RIN2: variants seen among roughly 807,000 people sequenced by gnomAD.
RIN2 encodes RAB5 interacting protein 2.
Under a neutral mutation model 78.0 loss-of-function variants are expected in RIN2, and 36 were observed. That is an observed-to-expected ratio of 0.46 (90% CI 0.35 to 0.61). The LOEUF is 0.61. RIN2 is among the 20% of genes least tolerant of loss of function. RIN2 has a pLI of 0.00. For synonymous variants in RIN2, 466 were observed against 466.8 expected (o/e 1.00, Z 0.02); for missense variants, 1,087 against 1,159.7 (o/e 0.94, Z 0.91).
At chr20:19,792,048 C>T (rs963359338) in intron 1 of RIN2, among the ~76,000 whole-genome samples, 3 of 152,192 alleles carry the variant, frequency 2.0e-5, no homozygotes, top group Non-Finnish European at 4.4e-5. Flanking sequence ...ACAAGTGGGA[C>T]TCCTTCCAGG....
intron 3 of RIN2, among the ~76,000 whole-genome samples, chr20:19,918,665 T>C (rs1167479948): frequency 6.6e-6 from 1 of 151,996 alleles, no homozygotes; most frequent in Non-Finnish European, 1.5e-5. Flanking sequence ...GGCAATACAA[T>C]TAAAACCTCT....
At chr20:19,910,448 C>T (rs1015183220) in intron 3 of RIN2, among the ~76,000 whole-genome samples, 8 of 152,062 alleles carry the variant, frequency 5.3e-5, no homozygotes, top group South Asian at 4.2e-4. Flanking sequence ...GCTGGGATTA[C>T]AGGCATAAGC....
At chr20:19,994,520 CAT>C (rs2042895713) in intron 11 of RIN2, among the ~76,000 whole-genome samples, 1 of 152,222 alleles carries the variant, frequency 6.6e-6, no homozygotes, top group South Asian at 2.1e-4. Context: ...ATTGCATCCA[CAT>C]GTTTCAAAGT....
At chr20:19,904,043 G>C (rs1264898093) in intron 3 of RIN2, among the ~76,000 whole-genome samples, 1 of 151,914 alleles carries the variant, frequency 6.6e-6, no homozygotes, top group Non-Finnish European at 1.5e-5. Flanking sequence ...TTGAGGTCAG[G>C]AGTTCAAGAC....
At chr20:19,820,660 T>A (rs2035899617) in intron 2 of RIN2, among the ~76,000 whole-genome samples, 1 of 152,102 alleles carries the variant, frequency 6.6e-6, no homozygotes, top group African/African-American at 2.4e-5. Flanking sequence ...AGGCCAGTCT[T>A]CCTGGGCCAG....
At chr20:19,947,019 T>C (rs1245270207) in intron 4 of RIN2, among the ~76,000 whole-genome samples, 1 of 144,258 alleles carries the variant, frequency 6.9e-6, no homozygotes, top group Non-Finnish European at 1.5e-5. Context: ...TGTCAGACTG[T>C]CTTAAAAAAA....
intron 4 of RIN2, 78 bp downstream of exon 4, chr20:19,935,277 A>C (rs2040594306): frequency 1.5e-6 from 2 of 1,370,598 alleles, no homozygotes; most frequent in Non-Finnish European, 2.0e-6. Context: ...GCTGACTTGC[A>C]GTCACTCCTC....
At chr20:19,783,153 C>A (rs555345783) in intron 1 of RIN2, among the ~76,000 whole-genome samples, 3 of 152,324 alleles carry the variant, frequency 2.0e-5, no homozygotes, top group African/African-American at 7.2e-5. Context: ...TGTATCAGAT[C>A]ATAACACAAC....
At chr20:19,886,383 G>T in intron 2 of RIN2, 1 of 296,594 alleles carries the variant, frequency 3.4e-6, no homozygotes, top group Non-Finnish European at 6.2e-6. Flanking sequence ...CACAGCAGTC[G>T]CTCTTGGGGC....
chr20:19,917,257 T>TA (rs1188189116), intron 3 of RIN2, among the ~76,000 whole-genome samples: 1 of 152,138 alleles, frequency 6.6e-6, no homozygotes, highest in Non-Finnish European at 1.5e-5. Flanking sequence ...TCCTTTGTTT[T>TA]ACCAAGAATT....
rs6106172 is a variant in RIN2, at chr20:19,961,944, A to G, written c.463+1133A>G. On this transcript the variant is annotated intron_variant, in intron 6 of 12. Coordinates refer to ENST00000255006, the MANE Select transcript of RIN2 (RefSeq NM_018993.4). ...ATTCATATTGAGCTAATAATGTGTTAGGTGAATTGATAATGAATTTATATT... is the reference window on the plus strand; with the variant it reads ...ATTCATATTGAGCTAATAATGTGTTGGGTGAATTGATAATGAATTTATATT... 8.0e-3 allele frequency among the ~76,000 whole-genome samples: 1,213 copies of G among 152,300 alleles called. 15 individuals are homozygous for G. Among genetic ancestry groups the G allele is most frequent in the African/African-American group, 0.028 (1,167 of 41,562 alleles).
intron 4 of RIN2, among the ~76,000 whole-genome samples, chr20:19,956,023 G>A (rs911842368): frequency 2.0e-5 from 3 of 152,026 alleles, no homozygotes; most frequent in Non-Finnish European, 2.9e-5. Flanking sequence ...TTGGAATGCC[G>A]AGGTAGGCGG....
At chr20:19,854,284 C>T (rs1176824741) in intron 2 of RIN2, among the ~76,000 whole-genome samples, 1 of 152,162 alleles carries the variant, frequency 6.6e-6, no homozygotes. Context: ...TTACTGTAGC[C>T]TTGTAGTATA....
At chr20:19,968,263 G>T (rs1158124440) in intron 7 of RIN2, among the ~76,000 whole-genome samples, 1 of 152,158 alleles carries the variant, frequency 6.6e-6, no homozygotes, top group Non-Finnish European at 1.5e-5. Flanking sequence ...GATGATCTTT[G>T]TCCCCTCCCC....
chr20:19,995,335 C>G lies in RIN2; in HGVS notation c.2201-1344C>G, dbSNP rs189330682. 8.7e-5 allele frequency among the ~76,000 whole-genome samples: 13 copies of G among 150,134 alleles called. No homozygotes were observed. The South Asian group carries it at 2.8e-3, about 32-fold the overall frequency. ...GGACTCAGATTCTATTTCTTACAAA[C>G]CTACTTTCTTCTCTGTAGCTGTGGC... On this transcript the variant is annotated intron_variant, in intron 11 of 12. Transcript: ENST00000255006.
At chr20:19,826,982 T>G (rs2036110362) in intron 2 of RIN2, among the ~76,000 whole-genome samples, 1 of 149,086 alleles carries the variant, frequency 6.7e-6, no homozygotes, top group Non-Finnish European at 1.5e-5. Flanking sequence ...TGGGTTTTTT[T>G]TTTTTTTTTT....
intron 7 of RIN2, 92 bp from the exon 8 acceptor site, chr20:19,970,746 G>T: frequency 3.9e-6 from 4 of 1,036,432 alleles, no homozygotes; most frequent in Non-Finnish European, 5.9e-6. Context: ...ATTTTAAACA[G>T]TTTAAGCTAA....
intron 2 of RIN2, among the ~76,000 whole-genome samples, chr20:19,840,284 T>C (rs980607428): frequency 4.6e-5 from 7 of 152,146 alleles, no homozygotes; most frequent in Non-Finnish European, 1.0e-4. Context: ...CCCACTCCTT[T>C]TCCCTGGTGC....
intron 6 of RIN2, among the ~76,000 whole-genome samples, chr20:19,962,179 C>G (rs995919293): frequency 4.0e-5 from 6 of 151,800 alleles, no homozygotes; most frequent in Admixed American, 3.3e-4. Flanking sequence ...ATGACACACG[C>G]CTGTAGTCCC....
Sources: allele counts gnomAD v4.1 joint callset (sites outside exome capture counted in the v4.1 genomes callset), GRCh38; gene constraint gnomAD v4.1.1; transcripts MANE v1.5; gene names NCBI Gene and HGNC (gene_info 2026-07-23, HGNC 2026-07-21).